UBTF: variants seen among roughly 807,000 people sequenced by gnomAD.
UBTF encodes the protein nucleolar transcription factor 1.
A neutral mutation model predicts 112.3 loss-of-function variants in UBTF; 8 were observed. The ratio of observed to expected loss-of-function variants is 0.07; its 90% CI spans 0.04 to 0.13. The LOEUF (loss-of-function observed/expected upper bound fraction) is 0.13. UBTF is among the 10% of genes least tolerant of loss of function. The pLI is 1.00. For missense variants in UBTF, 457 were observed against 982.1 expected (o/e 0.47, Z 7.15); for synonymous variants, 417 against 373.1 (o/e 1.12, Z -1.36).
At chr17:44,217,068 T>C (rs1157901544) in intron 2 of UBTF, among the ~76,000 whole-genome samples, 1 of 152,172 alleles carries the variant, frequency 6.6e-6, no homozygotes, top group East Asian at 1.9e-4. Context: ...ACGAGGTAGC[T>C]TGTCAGAGAA....
At chr17:44,207,653 C>A (rs1449073266) in intron 19 of UBTF, 46 bp downstream of exon 19, 178 of 1,614,056 alleles carry the variant, frequency 1.1e-4, no homozygotes, top group Non-Finnish European at 1.5e-4. Flanking sequence ...CCATTCCAGG[C>A]AGTGCCCCCC....
In UBTF at chr17:44,211,196, G is replaced by A; in HGVS notation, c.1090-44C>T. On this transcript the variant is annotated intron_variant, in intron 11 of 20. Transcript: ENST00000436088. This position sits in a 1 kb window ranked among gnomAD's most constrained non-coding sequence, Gnocchi z 4.9. ...CACGGGGCTGCATGCCTGGCACCCA[G>A]ACTGCATGGTGCCCTATCTCCAGGG... The A allele has an allele frequency of 5.6e-6, 9 of 1,613,294 alleles. No individual in the cohort carries two copies. The highest frequency in any genetic ancestry group is 5.1e-6 in the Non-Finnish European group (6 of 1,179,770).
chr17:44,216,488 T>TG (rs1567806882), intron 3 of UBTF, 41 bp downstream of exon 3: 2 of 1,605,438 alleles, frequency 1.2e-6, no homozygotes, highest in African/African-American at 1.3e-5. Context: ...CCACGCTGAG[T>TG]GGGGGGTATG....
chr17:44,210,332 G>A lies in UBTF; in HGVS notation c.1501C>T (p.Leu501=), dbSNP rs34485877. The change falls in exon 14 of 21, where the codon CTG becomes TTG. Residue 501 remains leucine, a synonymous_variant. Coordinates refer to ENST00000436088, the MANE Select transcript of UBTF (RefSeq NM_014233.4). ...IWQQSVIGDY[L]ARFKNDRVKA... is the part of the protein sequence containing the mutation. ...ACCCCTGTCACCTTGAAGCGGGCCA[G>A]GTAGTCGCCGATAACGCTCTGTTGC... 22,194 of 1,614,242 alleles carry A rather than the reference G, an allele frequency of 0.014. 185 individuals are homozygous for A. The highest frequency in any genetic ancestry group is 0.016 in the Non-Finnish European group (18,356 of 1,180,042).
chr17:44,220,286 G>A (rs955782627), upstream of UBTF, among the ~76,000 whole-genome samples: 23 of 151,488 alleles, frequency 1.5e-4, no homozygotes, highest in East Asian at 5.9e-4. Flanking sequence ...GGCTCGGGGG[G>A]CGCCCACAGC....
Position 44,215,828 on chromosome 17 carries a change from A to G in UBTF, c.319-19T>C. The G allele has an allele frequency of 1.2e-6, 2 of 1,614,114 alleles. No individual in the cohort carries two copies. The highest frequency in any genetic ancestry group is 1.7e-6 in the Non-Finnish European group (2 of 1,179,992). Reference sequence around the variant, plus strand: ...GGTGTTTCTGGAAGAAGGGACAAGGACACAATGGAGGTCAAATACATCCCT... The same window carrying G: ...GGTGTTTCTGGAAGAAGGGACAAGGGCACAATGGAGGTCAAATACATCCCT... On this transcript the variant is annotated intron_variant, in intron 4 of 20. Transcript: ENST00000436088.
At position 44,212,700 on chromosome 17, in the gene UBTF, C is replaced by A. The variant is rs545630509; in HGVS notation, c.660+119G>T. ...TGGCCCGGGCCCTGTCCATGCAGCC[C>A]ACCCCTGGGGAGGGGCCTCCTCTCC... On this transcript the variant is annotated intron_variant, in intron 7 of 20. Coordinates refer to ENST00000436088, the MANE Select transcript of UBTF (RefSeq NM_014233.4). The A allele has an allele frequency of 3.8e-5, 58 of 1,529,206 alleles. 1 individual carries two copies. In the South Asian group the frequency reaches 4.6e-4, roughly 12 times the overall value. The allele number at this position is 1,529,206 out of a possible 1,614,324, so 94.7% of individuals were successfully genotyped here.
At chr17:44,217,308 G>GA (rs1166496889) in intron 2 of UBTF, among the ~76,000 whole-genome samples, 2 of 152,192 alleles carry the variant, frequency 1.3e-5, no homozygotes, top group Non-Finnish European at 2.9e-5. Flanking sequence ...AACAGAAGCA[G>GA]AAGCAGGATA....
chr17:44,216,885 G>A (rs1190926628), intron 2 of UBTF, among the ~76,000 whole-genome samples, 181 bp from the exon 3 acceptor site: 1 of 152,176 alleles, frequency 6.6e-6, no homozygotes, highest in Non-Finnish European at 1.5e-5. Context: ...TTGGATCAGG[G>A]CAGGGACTCC....
At chr17:44,207,819 A>C in intron 18 of UBTF, 45 bp downstream of exon 18, 1 of 1,613,962 alleles carries the variant, frequency 6.2e-7, no homozygotes, top group Non-Finnish European at 8.5e-7. Context: ...GACACCCCTG[A>C]ATTCCCCCAC....
intron 5 of UBTF, among the ~76,000 whole-genome samples, chr17:44,215,075 CA>C (rs1172118609): frequency 6.7e-6 from 1 of 150,062 alleles, no homozygotes; most frequent in Admixed American, 6.6e-5. Flanking sequence ...CCAGGAGGGA[CA>C]ATGTGTGTCC....
chr17:44,207,468 C>T lies in UBTF; in HGVS notation c.2155G>A (p.Glu719Lys), dbSNP rs1286910250. The T allele has an allele frequency of 3.1e-6, 5 of 1,613,876 alleles. No homozygotes were observed. The highest frequency in any genetic ancestry group is 2.7e-5 in the African/African-American group (2 of 74,880). Reference protein sequence around the residue: ...SSESSSEDESEDGDENEEDDE... With the variant: ...SSESSSEDESKDGDENEEDDE... Reference sequence around the variant, plus strand: ...GTCTGCCCCACCTCATCCCCATCCTCGCTCTCGTCCTCGCTGCTGGACTCA... The same window carrying T: ...GTCTGCCCCACCTCATCCCCATCCTTGCTCTCGTCCTCGCTGCTGGACTCA... The change falls in exon 20 of 21, where the codon GAG (glutamate) becomes AAG (lysine). Residue 719 changes from glutamate to lysine, a missense_variant. Glu to Lys is a moderately conservative substitution (Grantham distance 56, BLOSUM62 1). Coordinates refer to ENST00000436088, the MANE Select transcript of UBTF (RefSeq NM_014233.4).
intron 15 of UBTF, 122 bp downstream of exon 15, chr17:44,210,002 G>T: frequency 9.5e-7 from 1 of 1,055,392 alleles, no homozygotes; most frequent in Non-Finnish European, 1.4e-6. Context: ...GAGGTTCAGA[G>T]AAGGAAGCTG....
chr17:44,213,104 G>A, intron 6 of UBTF, 114 bp downstream of exon 6: 3 of 1,535,354 alleles, frequency 2.0e-6, no homozygotes, highest in African/African-American at 1.4e-5. Context: ...GGGCTCACAT[G>A]TGACCCATCC....
At chr17:44,213,609 C>T (rs772650998) in intron 5 of UBTF, among the ~76,000 whole-genome samples, 6 of 152,344 alleles carry the variant, frequency 3.9e-5, no homozygotes, top group South Asian at 2.1e-4. Flanking sequence ...CTCCCCCACT[C>T]GTTTCTCCAA....
intron 17 of UBTF, chr17:44,208,766 T>G: frequency 4.4e-6 from 1 of 229,518 alleles, no homozygotes; most frequent in South Asian, 3.7e-5. Context: ...AGGCCAGGAG[T>G]CTAGGAGAGG....
Position 44,206,984 on chromosome 17 carries a change from G to A in UBTF, c.*258C>T, listed in dbSNP as rs891805822. The stretch of plus-strand genomic sequence containing the variant: ...GAAGTGGGTGGGGTGGGCCAGGCTG[G>A]TCCGGTGCTGGCTTAGTCTGATAGT... On this transcript the variant is annotated 3_prime_UTR_variant, in exon 21 of 21. Transcript: ENST00000436088. The A allele has an allele frequency of 4.7e-5, 26 of 550,214 alleles. No homozygotes were observed. The East Asian group carries it at 7.2e-4, about 15-fold the overall frequency. The allele number at this position is 550,214 out of a possible 1,614,324, so 34.1% of individuals were successfully genotyped here. A position where few individuals can be genotyped will look rare whatever the true frequency, so the allele number is the denominator to read the frequency against.
upstream of UBTF, among the ~76,000 whole-genome samples, chr17:44,220,157 G>A (rs1364072538): frequency 6.6e-6 from 1 of 151,648 alleles, no homozygotes; most frequent in South Asian, 2.1e-4. Context: ...TAGGCGGGCG[G>A]GCGGGCGCCG....
At chr17:44,214,216 G>A (rs1347513890) in intron 5 of UBTF, among the ~76,000 whole-genome samples, 1 of 152,172 alleles carries the variant, frequency 6.6e-6, no homozygotes, top group Non-Finnish European at 1.5e-5. Flanking sequence ...GAAGCACCAG[G>A]CATAGAAAGG....
Sources: gnomAD v4.1 joint callset for allele counts (sites outside exome capture counted in the v4.1 genomes callset) on GRCh38, gnomAD v4.1.1 for gene constraint, Gnocchi (gnomAD v3.1) non-coding constraint, MANE v1.5 for transcripts, NCBI Gene and HGNC (gene_info 2026-07-23, HGNC 2026-07-21) for gene names.